Variants in TMEM114 observed in about 807,000 individuals in gnomAD.
TMEM114 encodes the protein claudin-26.
TMEM114 carries 6 observed loss-of-function variants against 6.2 expected under a neutral mutation model. That is an observed-to-expected ratio of 0.97 (90% CI 0.53 to 1.91). TMEM114 has a LOEUF of 1.91. Ranked by LOEUF, TMEM114 falls within the 40% of genes most tolerant of loss-of-function variation. The pLI is 0.01. For synonymous variants in TMEM114, 104 were observed against 73.0 expected, an observed-to-expected ratio of 1.42 and a Z score of -2.16; for missense variants, 218 against 158.3, an observed-to-expected ratio of 1.38 and a Z score of -2.02.
chr16:8,558,552 C>G (rs1216228553), intron 2 of TMEM114, among the ~76,000 whole-genome samples: 1 of 152,148 alleles, frequency 6.6e-6, no homozygotes, highest in African/African-American at 2.4e-5. Context: ...ACCGCTTTTC[C>G]TAAGTAAGGT....
At chr16:8,551,694 T>G (rs1900849296) in intron 2 of TMEM114, among the ~76,000 whole-genome samples, 1 of 152,218 alleles carries the variant, frequency 6.6e-6, no homozygotes, top group Non-Finnish European at 1.5e-5. Context: ...AGTAGCGCAA[T>G]TGATATTATG....
chr16:8,563,523 G>C (rs1212993821), intron 2 of TMEM114, among the ~76,000 whole-genome samples: 1 of 151,178 alleles, frequency 6.6e-6, no homozygotes, highest in African/African-American at 2.5e-5. Context: ...AAGAGTGAGT[G>C]AATGAGTAAG....
chr16:8,549,181 CA>C lies in TMEM114; in HGVS notation n.213-11356del, dbSNP rs1216258524. On this transcript the variant is annotated intron_variant and non_coding_transcript_variant, in intron 2 of 2. Coordinates refer to the TMEM114 transcript ENST00000623677. The stretch of plus-strand genomic sequence containing the variant: ...TGGGCAACAGAACGAGACTCCATCT[CA>C]AAAAAAAAAAAAAAAAAAAAGAATG... Among the ~76,000 whole-genome samples the C allele has an allele frequency of 7.7e-3, 381 of 49,322 alleles. 2 individuals are homozygous for C. Among genetic ancestry groups the C allele is most frequent in the East Asian group, 0.03 (50 of 1,644 alleles). 32.4% of individuals were successfully genotyped at this position (49,322 alleles called of 152,430 possible). A position where few individuals can be genotyped will look rare whatever the true frequency, so the allele number is the denominator to read the frequency against.
At chr16:8,547,820 A>T (rs1900719710) in intron 2 of TMEM114, among the ~76,000 whole-genome samples, 1 of 152,140 alleles carries the variant, frequency 6.6e-6, no homozygotes, top group African/African-American at 2.4e-5. Flanking sequence ...AATTACCATG[A>T]GAGACTCTCA....
the TMEM114 span, among the ~76,000 whole-genome samples, chr16:8,530,580 GAGAA>G: frequency 5.3e-5 from 8 of 151,950 alleles, no homozygotes; most frequent in Non-Finnish European, 7.4e-5. Flanking sequence ...ACAGAGAGGA[GAGAA>G]AGAAAGCAGG....
chr16:8,564,123 G>A (rs1197514291), intron 2 of TMEM114, among the ~76,000 whole-genome samples: 1 of 151,476 alleles, frequency 6.6e-6, no homozygotes, highest in African/African-American at 2.5e-5. Flanking sequence ...GTAAGTGAAT[G>A]AGTGAGTTAG....
chr16:8,569,592 A>G lies in TMEM114; in HGVS notation c.*181T>C, dbSNP rs1028110795. ...CACGGACACACACGGACATAAGCACACAGGTACTAGGATAACAGCCAGGCC... is the reference window on the plus strand; with the variant it reads ...CACGGACACACACGGACATAAGCACGCAGGTACTAGGATAACAGCCAGGCC... On this transcript the variant is annotated 3_prime_UTR_variant, in exon 4 of 4. Coordinates refer to ENST00000620492, the MANE Select transcript of TMEM114 (RefSeq NM_001146336.2). 2.8e-6 allele frequency: 4 copies of G among 1,429,228 alleles called. No homozygotes were observed. In the African/African-American group the frequency reaches 5.7e-5, roughly 21 times the overall value. The allele number at this position is 1,429,228 out of a possible 1,614,324, so 88.5% of individuals were successfully genotyped here.
chr16:8,573,996 T>C (rs1266018090), intron 2 of TMEM114, among the ~76,000 whole-genome samples: 1 of 152,144 alleles, frequency 6.6e-6, no homozygotes, highest in African/African-American at 2.4e-5. Context: ...ATGTAGTGAA[T>C]GAATGAGTGA....
chr16:8,560,644 C>T (rs1901168882), intron 2 of TMEM114, among the ~76,000 whole-genome samples: 1 of 152,246 alleles, frequency 6.6e-6, no homozygotes, highest in East Asian at 1.9e-4. Flanking sequence ...TCACTATCAG[C>T]CTCTACCAGA....
At chr16:8,549,554 A>G (rs1019083484) in intron 2 of TMEM114, among the ~76,000 whole-genome samples, 1 of 151,542 alleles carries the variant, frequency 6.6e-6, no homozygotes, top group Non-Finnish European at 1.5e-5. Context: ...GTGTGAACTG[A>G]GAAAAATAAG....
intron 2 of TMEM114, among the ~76,000 whole-genome samples, chr16:8,578,562 G>T (rs73489591): frequency 0.025 from 3,881 of 152,274 alleles, 177 homozygotes; most frequent in African/African-American, 0.089. Flanking sequence ...GCAGGTACTG[G>T]GGCTTAGTAC....
chr16:8,539,948 G>T (rs565712772), intron 2 of TMEM114, among the ~76,000 whole-genome samples: 1 of 152,066 alleles, frequency 6.6e-6, no homozygotes, highest in African/African-American at 2.4e-5. Flanking sequence ...CTCTGGAATA[G>T]CTGGGATTAC....
At chr16:8,566,771 G>A (rs539588103), downstream of TMEM114, among the ~76,000 whole-genome samples, 1 of 152,152 alleles carries the variant, frequency 6.6e-6, no homozygotes, top group East Asian at 1.9e-4. Flanking sequence ...TGCCTGGTCT[G>A]CAGTTTCCCT....
chr16:8,543,932 A>T (rs1202651386), intron 2 of TMEM114, among the ~76,000 whole-genome samples: 1 of 152,234 alleles, frequency 6.6e-6, no homozygotes, highest in East Asian at 1.9e-4. Context: ...AAAACCATGC[A>T]TCTCTCTTCA....
At chr16:8,554,037 C>T (rs953259435) in intron 2 of TMEM114, among the ~76,000 whole-genome samples, 2 of 152,064 alleles carry the variant, frequency 1.3e-5, no homozygotes, top group Non-Finnish European at 2.9e-5. Context: ...CGCCACCACA[C>T]CCAGTTAATT....
intron 2 of TMEM114, among the ~76,000 whole-genome samples, chr16:8,550,188 A>T (rs1051261762): frequency 6.6e-6 from 1 of 152,144 alleles, no homozygotes; most frequent in African/African-American, 2.4e-5. Context: ...AGCTAATTGG[A>T]TGGTGTTTAC....
At chr16:8,545,399 G>A (rs1180225841) in intron 2 of TMEM114, among the ~76,000 whole-genome samples, 1 of 152,078 alleles carries the variant, frequency 6.6e-6, no homozygotes, top group Non-Finnish European at 1.5e-5. Context: ...TCATACCACT[G>A]CACTCACCCT....
At chr16:8,566,317 G>C (rs12921018), downstream of TMEM114, among the ~76,000 whole-genome samples, 96,791 of 149,682 alleles carry the variant, frequency 0.65, 31,414 homozygotes, top group East Asian at 0.74. Context: ...GCAGAGGTTG[G>C]AGTGAGCCGA....
chr16:8,563,029 TG>T (rs1901329543), intron 2 of TMEM114, among the ~76,000 whole-genome samples: 1 of 140,394 alleles, frequency 7.1e-6, no homozygotes, highest in African/African-American at 2.8e-5. Flanking sequence ...AGTGAGGGAA[TG>T]AGTGAGTGAA....
Sources: gnomAD v4.1 joint callset for allele counts (sites outside exome capture counted in the v4.1 genomes callset) on GRCh38, gnomAD v4.1.1 for gene constraint, MANE v1.5 for transcripts, NCBI Gene and HGNC (gene_info 2026-07-23, HGNC 2026-07-21) for gene names.